Variants in CDH1 observed in about 807,000 individuals in gnomAD.
The protein encoded by CDH1 is cadherin 1.
A neutral mutation model predicts 84.5 loss-of-function variants in CDH1; 35 were observed. The observed-to-expected ratio is 0.41, with a 90% CI of 0.32 to 0.55. The LOEUF is 0.55. Among genes scored for constraint, CDH1 ranks in the 20% least tolerant of loss-of-function variants. The pLI, the probability that CDH1 is intolerant of heterozygous loss-of-function variation, is 0.19. For missense variants in CDH1, 994 were observed against 1,126.6 expected, an observed-to-expected ratio of 0.88 and a Z score of 1.68; for synonymous variants, 417 against 439.0, an observed-to-expected ratio of 0.95 and a Z score of 0.63.
intron 2 of CDH1, among the ~76,000 whole-genome samples, chr16:68,741,504 C>T (rs780683102): frequency 1.2e-4 from 18 of 152,198 alleles, no homozygotes; most frequent in Non-Finnish European, 1.9e-4. Context: ...TTTTTGTGCA[C>T]AGGCAGCTGT....
intron 2 of CDH1, among the ~76,000 whole-genome samples, chr16:68,776,567 C>T (rs1157518240): frequency 2.0e-5 from 3 of 152,152 alleles, no homozygotes; most frequent in Admixed American, 2.0e-4. Flanking sequence ...AGGGGTCTCA[C>T]TATATTGCCC....
chr16:68,833,248 C>T (rs1244965638), intron 15 of CDH1, 42 bp from the exon 16 acceptor site: 1 of 1,557,364 alleles, frequency 6.4e-7, no homozygotes, highest in Non-Finnish European at 8.9e-7. Context: ...ACAGGTGTGC[C>T]CTTCCTTTCA....
At chr16:68,763,667 G>T (rs574940147) in intron 2 of CDH1, 2 of 152,192 alleles carry the variant, frequency 1.3e-5, no homozygotes, top group Admixed American at 6.5e-5. Flanking sequence ...AGTGGTTACC[G>T]TTGTCAGCTC....
In CDH1 at chr16:68,810,148, T is replaced by G. The variant is rs1162691387; in HGVS notation, c.688-49T>G. Reference sequence around the variant, plus strand: ...TGCTCTGGCTGGGCCCCTTCTCCCATGTTTTCTTCCTCATCAGAGCTCAAG... The same window carrying G: ...TGCTCTGGCTGGGCCCCTTCTCCCAGGTTTTCTTCCTCATCAGAGCTCAAG... On this transcript the variant is annotated intron_variant, in intron 5 of 15. Coordinates refer to ENST00000261769, the MANE Select transcript of CDH1 (RefSeq NM_004360.5). The G allele has an allele frequency of 2.5e-6, 4 of 1,610,862 alleles. No homozygotes were observed. In the African/African-American group the frequency reaches 5.3e-5, roughly 22 times the overall value.
At chr16:68,767,120 T>G (rs182449808) in intron 2 of CDH1, among the ~76,000 whole-genome samples, 6 of 152,236 alleles carry the variant, frequency 3.9e-5, no homozygotes, top group Non-Finnish European at 7.4e-5. Context: ...TAGAAAGTTT[T>G]AGGGTCGTTT....
At chr16:68,754,078 T>C (rs930396247) in intron 2 of CDH1, among the ~76,000 whole-genome samples, 10 of 145,810 alleles carry the variant, frequency 6.9e-5, no homozygotes, top group African/African-American at 1.5e-4. Context: ...AAGTGAGCCA[T>C]TGTACTCCAG....
rs548572909 is a variant in CDH1 at position 68,756,095 on chromosome 16, G to C, written c.163+17684G>C. On this transcript the variant is annotated intron_variant, in intron 2 of 15. Transcript: ENST00000261769. ...GTTTTCTAAAGATTCTTCCTGCAGA[G>C]GGATGATATTTTCTAAACAGGCATC... Among the ~76,000 whole-genome samples, 5 of 151,934 alleles carry C rather than the reference G, an allele frequency of 3.3e-5. 1 individual carries two copies. Among genetic ancestry groups the C allele is most frequent in the Admixed American group, 3.3e-4 (5 of 15,254 alleles).
At chr16:68,764,972 T>C (rs1220912759) in intron 2 of CDH1, 2 of 152,196 alleles carry the variant, frequency 1.3e-5, no homozygotes, top group Non-Finnish European at 2.9e-5. Flanking sequence ...CTTTTATGAC[T>C]CTGCAAACCC....
intron 10 of CDH1, among the ~76,000 whole-genome samples, chr16:68,817,860 T>C (rs1477385630): frequency 6.6e-6 from 1 of 152,058 alleles, no homozygotes; most frequent in Non-Finnish European, 1.5e-5. Context: ...AAGGTTGCTA[T>C]AAAGGACATT....
At chr16:68,809,139 C>G (rs1960751414) in intron 5 of CDH1, 2 of 461,524 alleles carry the variant, frequency 4.3e-6, no homozygotes, top group Non-Finnish European at 8.0e-6. Flanking sequence ...AGTCCCTGAC[C>G]TAAAGGAACA....
chr16:68,737,392 C>A lies in CDH1; in HGVS notation c.-24C>A, dbSNP rs730881644. The A allele has an allele frequency of 6.5e-7, 1 of 1,529,970 alleles. No individual in the cohort carries two copies. Among genetic ancestry groups the A allele is most frequent in the African/African-American group, 1.4e-5 (1 of 72,460 alleles). The allele number at this position is 1,529,970 out of a possible 1,614,324, so 94.8% of individuals were successfully genotyped here. On this transcript the variant is annotated 5_prime_UTR_variant, in exon 1 of 16. Transcript: ENST00000261769. The stretch of plus-strand genomic sequence containing the variant: ...GACCCGACCGCACCCGGCGCCTGCC[C>A]TCGCTCGGCGTCCCCGGCCAGCCAT...
At chr16:68,811,040 A>G (rs1285520127) in intron 6 of CDH1, among the ~76,000 whole-genome samples, 1 of 152,046 alleles carries the variant, frequency 6.6e-6, no homozygotes, top group African/African-American at 2.4e-5. Context: ...ACAGATCTTT[A>G]CCAGTACCTT....
intron 2 of CDH1, among the ~76,000 whole-genome samples, chr16:68,788,424 G>T (rs1960122600): frequency 1.3e-5 from 2 of 152,136 alleles, no homozygotes; most frequent in South Asian, 4.2e-4. Flanking sequence ...AGTTCCCTTG[G>T]GCCTATTGGT....
At chr16:68,773,655 A>G (rs1959647392) in intron 2 of CDH1, among the ~76,000 whole-genome samples, 1 of 152,270 alleles carries the variant, frequency 6.6e-6, no homozygotes, top group Non-Finnish European at 1.5e-5. Flanking sequence ...CATTTTCAAA[A>G]CAAGGATTAT....
chr16:68,759,288 AAG>A (rs1963097738), intron 2 of CDH1, among the ~76,000 whole-genome samples: 1 of 152,024 alleles, frequency 6.6e-6, no homozygotes, highest in Non-Finnish European at 1.5e-5. Context: ...GCTTGAGCCC[AAG>A]AGTTCAAGAC....
intron 10 of CDH1, 86 bp downstream of exon 10, chr16:68,815,845 G>T: frequency 4.0e-6 from 6 of 1,482,556 alleles, no homozygotes; most frequent in Non-Finnish European, 5.6e-6. Flanking sequence ...GTACTTCATG[G>T]CATTTTGTCA....
intron 12 of CDH1, chr16:68,823,077 AG>A (rs1435929315): frequency 2.5e-5 from 8 of 314,118 alleles, no homozygotes; most frequent in South Asian, 2.3e-4. Context: ...CTGGGCAAAA[AG>A]GTTCACCCTC....
chr16:68,768,998 G>C (rs1322648381), intron 2 of CDH1, among the ~76,000 whole-genome samples: 1 of 152,172 alleles, frequency 6.6e-6, no homozygotes, highest in Non-Finnish European at 1.5e-5. Context: ...AGCAGAGTCT[G>C]TCTTGGATAA....
intron 2 of CDH1, among the ~76,000 whole-genome samples, chr16:68,747,806 C>T (rs1962782101): frequency 6.6e-6 from 1 of 152,130 alleles, no homozygotes; most frequent in Non-Finnish European, 1.5e-5. Context: ...CTCTATTGTC[C>T]AGGCTGGAGT....
Sources: allele counts gnomAD v4.1 joint callset (sites outside exome capture counted in the v4.1 genomes callset), GRCh38; gene constraint gnomAD v4.1.1; transcripts MANE v1.5; gene names NCBI Gene and HGNC (gene_info 2026-07-23, HGNC 2026-07-21).